The following ASIC2 variants were observed in gnomAD, a reference collection of about 807,000 sequenced individuals.
The protein encoded by ASIC2 is acid sensing ion channel subunit 2.
A neutral mutation model predicts 57.3 loss-of-function variants in ASIC2; 25 were observed. That is an observed-to-expected ratio of 0.44 (90% confidence interval 0.32 to 0.61). ASIC2 has a LOEUF of 0.61. Among genes scored for constraint, ASIC2 ranks in the 20% least tolerant of loss-of-function variants. The pLI is 0.06. For synonymous variants in ASIC2, 319 were observed against 307.5 expected (o/e 1.04, Z -0.39); for missense variants, 641 against 738.1 (o/e 0.87, Z 1.52).
intron 3 of ASIC2, among the ~76,000 whole-genome samples, chr17:33,077,743 T>C (rs2092095214): frequency 6.6e-6 from 1 of 152,134 alleles, no homozygotes; most frequent in South Asian, 2.1e-4. Flanking sequence ...TGGGCAATAG[T>C]TGTTTTCAAG....
At chr17:33,679,350 AAAG>A (rs1907927953) in intron 1 of ASIC2, among the ~76,000 whole-genome samples, 1 of 152,210 alleles carries the variant, frequency 6.6e-6, no homozygotes, top group African/African-American at 2.4e-5. Flanking sequence ...TTTTAAGAGT[AAAG>A]AAGAGAGGAA....
In ASIC2 at chr17:34,047,601, G is replaced by A. The variant is rs143752987; in HGVS notation, c.555+108377C>T. Among the ~76,000 whole-genome samples, 1,033 of 151,256 alleles carry A rather than the reference G, an allele frequency of 6.8e-3. 17 individuals are homozygous for A. Among genetic ancestry groups the A allele is most frequent in the African/African-American group, 0.023 (955 of 41,112 alleles). On this transcript the variant is annotated intron_variant, in intron 1 of 9. Coordinates refer to the ASIC2 transcript ENST00000359872. ...CCCTGATTATATCCATGCCCTTTGC[G>A]GCATGACTTTGTGGTTCTTTCCACA...
chr17:33,049,789 G>A (rs1022808233), intron 3 of ASIC2, among the ~76,000 whole-genome samples: 3 of 152,094 alleles, frequency 2.0e-5, no homozygotes, highest in African/African-American at 7.2e-5. Flanking sequence ...AGCATCTACC[G>A]CAGCATTTTG....
intron 1 of ASIC2, among the ~76,000 whole-genome samples, chr17:33,361,499 C>A (rs1480304033): frequency 6.6e-6 from 1 of 152,158 alleles, no homozygotes; most frequent in African/African-American, 2.4e-5. Flanking sequence ...TTAACAAGAA[C>A]CAACTTCTGG....
At chr17:34,084,066 C>T (rs1055261828) in intron 1 of ASIC2, among the ~76,000 whole-genome samples, 34 of 151,730 alleles carry the variant, frequency 2.2e-4, no homozygotes, top group Non-Finnish European at 4.4e-4. Context: ...GTTGCCATTG[C>T]TTTTGGTGTT....
At chr17:33,662,544 A>G (rs1289110387) in intron 1 of ASIC2, among the ~76,000 whole-genome samples, 2 of 151,572 alleles carry the variant, frequency 1.3e-5, no homozygotes, top group African/African-American at 4.9e-5. Flanking sequence ...AATTGCTTGA[A>G]CCTGGGAGGC....
intron 3 of ASIC2, among the ~76,000 whole-genome samples, chr17:33,073,685 C>T (rs562738776): frequency 2.0e-5 from 3 of 152,192 alleles, no homozygotes; most frequent in African/African-American, 4.8e-5. Context: ...TTTACAGAGA[C>T]GTCCTCATGG....
chr17:33,209,359 G>T (rs1907187294), intron 1 of ASIC2, among the ~76,000 whole-genome samples: 1 of 151,908 alleles, frequency 6.6e-6, no homozygotes, highest in South Asian at 2.1e-4. Flanking sequence ...TTGTCCTTGT[G>T]GGGGAAAAAA....
At chr17:33,393,690 T>A (rs1163365042) in intron 1 of ASIC2, among the ~76,000 whole-genome samples, 2 of 152,174 alleles carry the variant, frequency 1.3e-5, no homozygotes, top group African/African-American at 2.4e-5. Flanking sequence ...AAGTTCCAGT[T>A]GGTGATCTAA....
intron 1 of ASIC2, among the ~76,000 whole-genome samples, chr17:33,951,785 G>T (rs1442990418): frequency 2.6e-5 from 4 of 150,960 alleles, no homozygotes; most frequent in Admixed American, 2.6e-4. Flanking sequence ...GTGGAGACAG[G>T]GTTTCATCAT....
Position 33,545,783 on chromosome 17 carries a change from T to C in ASIC2, c.556-433716A>G, listed in dbSNP as rs57901716. Among the ~76,000 whole-genome samples, 1,328 of 152,298 alleles carry C rather than the reference T, an allele frequency of 8.7e-3. 21 individuals carry two copies. The highest frequency in any genetic ancestry group is 0.031 in the African/African-American group (1,279 of 41,574). ...TGTAATTCTTCTTCCTAAAACTCTT[T>C]CTTGGATACTTATTATTTAAAGAAT... On this transcript the variant is annotated intron_variant, in intron 1 of 9. Coordinates refer to the ASIC2 transcript ENST00000359872.
intron 1 of ASIC2, among the ~76,000 whole-genome samples, chr17:33,399,882 C>A (rs938946808): frequency 6.6e-6 from 1 of 152,192 alleles, no homozygotes; most frequent in Non-Finnish European, 1.5e-5. Context: ...CACTTAAAAC[C>A]TCATTTCTTT....
In ASIC2 at chr17:33,987,268, C is replaced by T. The variant is rs897427359; in HGVS notation, c.555+168710G>A. 2.0e-5 allele frequency among the ~76,000 whole-genome samples: 3 copies of T among 152,176 alleles called. No individual in the cohort carries two copies. The South Asian group carries it at 6.2e-4, about 31-fold the overall frequency. On this transcript the variant is annotated intron_variant, in intron 1 of 9. Transcript: ENST00000359872. ...CCTCACTATGCTCTGGTGCTCAGTG[C>T]CAAATCCAGCTCCTTCTTCCCTCTT...
At chr17:33,314,677 A>T (rs1186706108) in intron 1 of ASIC2, among the ~76,000 whole-genome samples, 2 of 152,374 alleles carry the variant, frequency 1.3e-5, no homozygotes, top group African/African-American at 4.8e-5. Flanking sequence ...GGTTTAAAAA[A>T]ATATATTTTT....
chr17:33,998,434 T>C (rs1483015156), intron 1 of ASIC2, among the ~76,000 whole-genome samples: 1 of 152,154 alleles, frequency 6.6e-6, no homozygotes, highest in Non-Finnish European at 1.5e-5. Flanking sequence ...GTTCTTCCTT[T>C]CTAGTTCCTT....
Position 33,789,472 on chromosome 17 carries a change from A to T in ASIC2, c.555+366506T>A, listed in dbSNP as rs1027970156. Among the ~76,000 whole-genome samples the T allele has an allele frequency of 2.0e-3, 277 of 139,484 alleles. 1 individual carries two copies. Among genetic ancestry groups the T allele is most frequent in the African/African-American group, 6.1e-3 (190 of 31,228 alleles). 91.5% of individuals were successfully genotyped at this position (139,484 alleles called of 152,430 possible). A position where few individuals can be genotyped will look rare whatever the true frequency, so the allele number is the denominator to read the frequency against. ...TTAGCAGAGAATCATGGTCACACAC[A>T]CACACACACACACACACACACACAC... On this transcript the variant is annotated intron_variant, in intron 1 of 9. Transcript: ENST00000359872.
At chr17:33,553,889 G>C (rs1915825679) in intron 1 of ASIC2, among the ~76,000 whole-genome samples, 1 of 152,210 alleles carries the variant, frequency 6.6e-6, no homozygotes, top group Non-Finnish European at 1.5e-5. Context: ...TTGTAAAGCA[G>C]AAGGACCCAG....
chr17:33,037,132 A>AAAC (rs759180119), intron 3 of ASIC2, among the ~76,000 whole-genome samples: 1 of 58,324 alleles, frequency 1.7e-5, no homozygotes, highest in African/African-American at 7.0e-5. Context: ...TGTGGTAGCA[A>AAAC]AAAAAAAAAA....
chr17:33,684,719 T>A (rs572508398), intron 1 of ASIC2, among the ~76,000 whole-genome samples: 1 of 152,216 alleles, frequency 6.6e-6, no homozygotes, highest in East Asian at 1.9e-4. Flanking sequence ...CAGGCCCCAA[T>A]GGTTTAAGAA....
Sources: allele counts gnomAD v4.1 joint callset (sites outside exome capture counted in the v4.1 genomes callset), GRCh38; gene constraint gnomAD v4.1.1; transcripts MANE v1.5; gene names NCBI Gene and HGNC (gene_info 2026-07-23, HGNC 2026-07-21).